The following ABCB9 variants were observed in gnomAD, a reference collection of about 807,000 sequenced individuals.
ABCB9 encodes the protein ABC-type oligopeptide transporter ABCB9.
ABCB9 carries 36 observed loss-of-function variants against 62.0 expected under a neutral mutation model. The observed-to-expected ratio is 0.58, with a 90% CI of 0.45 to 0.77. ABCB9 has a LOEUF of 0.77. Among genes scored for constraint, ABCB9 ranks in the 30% least tolerant of loss-of-function variants. The pLI, the probability that ABCB9 is intolerant of heterozygous loss-of-function variation, is 0.00. For missense variants in ABCB9, 943 were observed against 1,054.7 expected, an observed-to-expected ratio of 0.89 and a Z score of 1.47; for synonymous variants, 435 against 461.4, an observed-to-expected ratio of 0.94 and a Z score of 0.73.
Position 122,948,624 on chromosome 12 carries a change from C to T in ABCB9, c.1053G>A (p.Lys351=), listed in dbSNP as rs1221298850. ...MVSNIYGKYY[K]RLSKEVQNAL... ...CCCAGCAGAGACAGGGCAGGCCTAC[C>T]TTGTAGTACTTGCCGTAGATGTTGG... The change falls in exon 5 of 12, where the codon AAG becomes AAA. Residue 351 remains lysine (K), a splice_region_variant and synonymous_variant. Transcript: ENST00000280560. 2 of 1,610,198 alleles carry T rather than the reference C, an allele frequency of 1.2e-6. No individual in the cohort carries two copies. The highest frequency in any genetic ancestry group is 1.7e-6 in the Non-Finnish European group (2 of 1,177,938).
chr12:122,959,795 C>T lies in ABCB9; in HGVS notation c.441G>A (p.Leu147=). ...CAGCCTCGGTGGCCGCCCCTGGCTC[C>T]AGGGCCTGGGTGCCTGGCCGCACGG... ...LSTVRPGTQA[L]EPGAATEAEG... The change falls in exon 2 of 12, where the codon CTG becomes CTA. Residue 147 remains leucine, a synonymous_variant. Coordinates refer to ENST00000280560, the MANE Select transcript of ABCB9 (RefSeq NM_019625.4). This position sits in a 1 kb window ranked among gnomAD's most constrained non-coding sequence, Gnocchi z 5.4. The T allele has an allele frequency of 6.2e-7, 1 of 1,612,138 alleles. No individual in the cohort carries two copies. Among genetic ancestry groups the T allele is most frequent in the Non-Finnish European group, 8.5e-7 (1 of 1,179,358 alleles).
chr12:122,965,466 C>T (rs753603399), intron 1 of ABCB9, among the ~76,000 whole-genome samples: 1 of 152,184 alleles, frequency 6.6e-6, no homozygotes, highest in Non-Finnish European at 1.5e-5. Flanking sequence ...CAGGAGCGGG[C>T]TGGGTCTGCG....
chr12:122,938,909 C>G (rs1263524144), intron 9 of ABCB9, among the ~76,000 whole-genome samples: 4 of 151,408 alleles, frequency 2.6e-5, no homozygotes, highest in Non-Finnish European at 4.4e-5. Flanking sequence ...CGGTGGCTCA[C>G]GCCTATAAAC....
At chr12:122,937,446 A>G (rs917645287) in intron 9 of ABCB9, among the ~76,000 whole-genome samples, 2 of 152,178 alleles carry the variant, frequency 1.3e-5, no homozygotes, top group African/African-American at 4.8e-5. Context: ...AATATATGAA[A>G]AGGTGTTTAA....
intron 1 of ABCB9, among the ~76,000 whole-genome samples, chr12:122,965,945 A>T (rs1196562373): frequency 6.6e-6 from 1 of 152,228 alleles, no homozygotes; most frequent in Non-Finnish European, 1.5e-5. Flanking sequence ...CCTGACATGG[A>T]CAGTGGGAGC....
At chr12:122,927,759 G>A (rs900013279), downstream of ABCB9, among the ~76,000 whole-genome samples, 5 of 152,292 alleles carry the variant, frequency 3.3e-5, no homozygotes, top group East Asian at 1.9e-4. Context: ...CAACACTGAC[G>A]CTACAAACTA....
downstream of ABCB9, among the ~76,000 whole-genome samples, chr12:122,925,731 G>C (rs937038810): frequency 2.0e-5 from 3 of 152,244 alleles, no homozygotes; most frequent in Non-Finnish European, 4.4e-5. Flanking sequence ...CTGGGCGACA[G>C]AGCGAGACTC....
chr12:122,929,949 G>A lies in ABCB9; in HGVS notation c.2263C>T (p.His755Tyr). ...LQPAADFTAG[H>Y]NEPVANGSHK... Reference sequence around the variant, plus strand: ...CTGCCGTTGGCTACAGGCTCGTTGTGGCCAGCTGTGAAGTCTGCGGCGGGC... The same window carrying A: ...CTGCCGTTGGCTACAGGCTCGTTGTAGCCAGCTGTGAAGTCTGCGGCGGGC... The change falls in exon 12 of 12, where the codon CAC becomes TAC. Residue 755 changes from histidine to tyrosine, a missense_variant. Coordinates refer to ENST00000280560, the MANE Select transcript of ABCB9 (RefSeq NM_019625.4). This position sits in a 1 kb window ranked among gnomAD's most constrained non-coding sequence, Gnocchi z 6.0. 6 of 1,574,446 alleles carry A rather than the reference G, an allele frequency of 3.8e-6. No homozygotes were observed. The highest frequency in any genetic ancestry group is 5.2e-6 in the Non-Finnish European group (6 of 1,159,984).
chr12:122,937,337 C>T (rs1168833430), intron 9 of ABCB9, among the ~76,000 whole-genome samples: 18 of 148,972 alleles, frequency 1.2e-4, no homozygotes, highest in African/African-American at 3.2e-4. Context: ...CTAGCCTGTG[C>T]GACAGAGCGA....
chr12:122,925,506 T>A (rs1593956826), downstream of ABCB9, among the ~76,000 whole-genome samples: 1 of 152,060 alleles, frequency 6.6e-6, no homozygotes, highest in African/African-American at 2.4e-5. Context: ...CCTAGCACTT[T>A]GGGAGGCCGA....
chr12:122,924,538 T>G, downstream of ABCB9: 1 of 1,189,010 alleles, frequency 8.4e-7, no homozygotes, highest in Non-Finnish European at 1.1e-6. Flanking sequence ...CTCAAACATT[T>G]CTTTAATGGC....
upstream of ABCB9, among the ~76,000 whole-genome samples, chr12:122,969,518 G>A (rs1358078507): frequency 1.3e-5 from 2 of 152,204 alleles, no homozygotes; most frequent in African/African-American, 2.4e-5. Context: ...GGGAGGCCAA[G>A]GTGGCAGGAT....
Position 122,940,818 on chromosome 12 carries a change from G to C in ABCB9, c.1558C>G (p.Gln520Glu). Residue 520 changes from glutamine (Q) to glutamate (E), a missense_variant, in exon 8 of 12, where the codon CAG becomes GAG. Coordinates refer to ENST00000280560, the MANE Select transcript of ABCB9 (RefSeq NM_019625.4). This position sits in a 1 kb window ranked among gnomAD's most constrained non-coding sequence, Gnocchi z 4.8. ...TFTYRTRPHT[Q>E]VLQNVSFSLS... ...AGCCGCGCCCTCACCTGCAGGACCT[G>C]GGTGTGGGGCCGAGTGCGGTAGGTG... 1 of 1,592,486 alleles carries C rather than the reference G, an allele frequency of 6.3e-7. No homozygotes were observed. The highest frequency in any genetic ancestry group is 8.6e-7 in the Non-Finnish European group (1 of 1,164,360).
rs183490684 is a variant in ABCB9, at chr12:122,931,951, C to G, written c.2040+241G>C. On this transcript the variant is annotated intron_variant, in intron 11 of 11. Transcript: ENST00000280560. Reference sequence around the variant, plus strand: ...AAGCCACCACTCATGACCCAGGTCTCCCCATTCTGATGCCTTCTCTTGCCC... The same window carrying G: ...AAGCCACCACTCATGACCCAGGTCTGCCCATTCTGATGCCTTCTCTTGCCC... 5.1e-4 allele frequency: 336 copies of G among 659,542 alleles called. No homozygotes were observed. In the African/African-American group the frequency reaches 5.4e-3, roughly 11 times the overall value. 40.9% of individuals were successfully genotyped at this position (659,542 alleles called of 1,614,324 possible).
chr12:122,949,976 C>T (rs942648289), intron 3 of ABCB9, 58 bp from the exon 4 acceptor site: 24 of 1,605,354 alleles, frequency 1.5e-5, no homozygotes, highest in East Asian at 6.7e-5. Context: ...TGACCACACC[C>T]GGCTGCCCCC....
At chr12:122,957,564 C>A (rs1304954262) in intron 2 of ABCB9, among the ~76,000 whole-genome samples, 1 of 152,008 alleles carries the variant, frequency 6.6e-6, no homozygotes, top group African/African-American at 2.4e-5. Flanking sequence ...CTGAGTGGTG[C>A]CTTCAAACTG....
In ABCB9 at chr12:122,940,068, T is replaced by C; in HGVS notation, c.1743+43A>G. On this transcript the variant is annotated intron_variant, in intron 9 of 11. Coordinates refer to ENST00000280560, the MANE Select transcript of ABCB9 (RefSeq NM_019625.4). This position sits in a 1 kb window ranked among gnomAD's most constrained non-coding sequence, Gnocchi z 4.8. ...ACAGCTCACAAGAAAGACGGTTAGA[T>C]GCAGAAAGGGCGGAGAAGTGTGGCC... 6.3e-7 allele frequency: 1 copy of C among 1,576,660 alleles called. No homozygotes were observed. Among genetic ancestry groups the C allele is most frequent in the Admixed American group, 1.9e-5 (1 of 53,712 alleles).
Position 122,948,610 on chromosome 12 carries a change from C to T in ABCB9, c.1053+14G>A, listed in dbSNP as rs952420243. On this transcript the variant is annotated intron_variant, in intron 5 of 11. Transcript: ENST00000280560. ...CAGGGTGCACAGTCCCCAGCAGAGA[C>T]AGGGCAGGCCTACCTTGTAGTACTT... The T allele has an allele frequency of 6.3e-7, 1 of 1,599,668 alleles. No individual in the cohort carries two copies. Among genetic ancestry groups the T allele is most frequent in the Non-Finnish European group, 8.5e-7 (1 of 1,172,478 alleles).
rs1478789737 is a variant in ABCB9, at chr12:122,932,662, T to C, written c.1904-334A>G. On this transcript the variant is annotated intron_variant, in intron 10 of 11. Coordinates refer to ENST00000280560, the MANE Select transcript of ABCB9 (RefSeq NM_019625.4). This position sits in a 1 kb window ranked among gnomAD's most constrained non-coding sequence, Gnocchi z 4.7. ...GAGCGAGCCCCATGGCTTGAAGAGC[T>C]GCAGCAATAACCCTGGGTCTATGAG... Among the ~76,000 whole-genome samples the C allele has an allele frequency of 6.6e-6, 1 of 152,160 alleles. No homozygotes were observed. The highest frequency in any genetic ancestry group is 1.9e-4 in the East Asian group (1 of 5,192).
Sources: gnomAD v4.1 joint callset for allele counts (sites outside exome capture counted in the v4.1 genomes callset) on GRCh38, gnomAD v4.1.1 for gene constraint, Gnocchi (gnomAD v3.1) non-coding constraint, MANE v1.5 for transcripts, NCBI Gene and HGNC (gene_info 2026-07-23, HGNC 2026-07-21) for gene names.